GREB1L: variants seen among roughly 807,000 people sequenced by gnomAD.
GREB1L encodes the protein GREB1-like protein.
A neutral mutation model predicts 200.8 loss-of-function variants in GREB1L; 17 were observed. The ratio of observed to expected loss-of-function variants is 0.08; its 90% confidence interval spans 0.06 to 0.13. The LOEUF is 0.13. GREB1L is among the 10% of genes least tolerant of loss of function. GREB1L has a pLI of 1.00. For synonymous variants in GREB1L, 789 were observed against 893.0 expected (o/e 0.88, Z 2.08); for missense variants, 1,657 against 2,367.7 (o/e 0.70, Z 6.23).
At chr18:21,511,184 G>C (rs1786878622) in intron 27 of GREB1L, among the ~76,000 whole-genome samples, 1 of 152,062 alleles carries the variant, frequency 6.6e-6, no homozygotes, top group Admixed American at 6.6e-5. Context: ...AGATCAGCCT[G>C]ACCAACCCCG....
At chr18:21,410,189 G>A (rs2030791665) in intron 7 of GREB1L, among the ~76,000 whole-genome samples, 1 of 151,990 alleles carries the variant, frequency 6.6e-6, no homozygotes, top group African/African-American at 2.4e-5. Context: ...AGCCTCCTAA[G>A]CTCTGCCCCT....
At chr18:21,363,263 CTG>C (rs2039604852) in intron 1 of GREB1L, among the ~76,000 whole-genome samples, 5 of 97,768 alleles carry the variant, frequency 5.1e-5, no homozygotes, top group African/African-American at 8.4e-5. Context: ...AAGGCTCCCC[CTG>C]CCCCCACTCC....
At chr18:21,414,508 C>G (rs944326795) in intron 7 of GREB1L, among the ~76,000 whole-genome samples, 3 of 152,152 alleles carry the variant, frequency 2.0e-5, no homozygotes, top group Non-Finnish European at 4.4e-5. Context: ...GTCAGCTCTG[C>G]ATGTGTAGAA....
intron 23 of GREB1L, among the ~76,000 whole-genome samples, chr18:21,504,992 T>C (rs893723882): frequency 3.3e-5 from 5 of 152,196 alleles, no homozygotes; most frequent in Non-Finnish European, 7.3e-5. Flanking sequence ...TGGGAATTTT[T>C]ACCAGCTCCC....
chr18:21,467,113 A>G (rs1289175220), intron 15 of GREB1L, among the ~76,000 whole-genome samples: 1 of 152,228 alleles, frequency 6.6e-6, no homozygotes, highest in East Asian at 1.9e-4. Context: ...AAATGGATCA[A>G]AGACCTAAAT....
chr18:21,285,494 G>A (rs567282717), intron 1 of GREB1L, among the ~76,000 whole-genome samples: 1 of 152,210 alleles, frequency 6.6e-6, no homozygotes, highest in African/African-American at 2.4e-5. Context: ...TGGAGGCCAG[G>A]TCATATCTGG....
At chr18:21,245,781 G>A (rs1482452560) in intron 1 of GREB1L, among the ~76,000 whole-genome samples, 1 of 152,016 alleles carries the variant, frequency 6.6e-6, no homozygotes, top group African/African-American at 2.4e-5. Flanking sequence ...GCAGTGGTGC[G>A]ATCTCCACTC....
At position 21,495,673 on chromosome 18, in the gene GREB1L, T is replaced by C. The variant is rs2036517352; in HGVS notation, c.3034T>C (p.Trp1012Arg). ...ATHFVARLKS[W>R]RGNEPEEWIP... ...ACATACGGGTCTCTTTCTGTAGAGT[T>C]GGAGAGGAAATGAACCAGAAGAGTG... is the stretch of plus-strand genomic sequence containing the variant. Residue 1012 changes from tryptophan (W) to arginine (R), a missense_variant, in exon 20 of 33, where the codon TGG becomes CGG. Physicochemically the swap from Trp to Arg is moderately radical, Grantham distance 101. This residue lies in a region of GREB1L where 512 missense variants were observed against 668.3 expected (regional missense o/e 0.77). Transcript: ENST00000424526. 1 of 1,476,784 alleles carries C rather than the reference T, an allele frequency of 6.8e-7. No homozygotes were observed. The highest frequency in any genetic ancestry group is 1.4e-5 in the African/African-American group (1 of 71,570). The allele number at this position is 1,476,784 out of a possible 1,614,324, so 91.5% of individuals were successfully genotyped here. A position where few individuals can be genotyped will look rare whatever the true frequency, so the allele number is the denominator to read the frequency against.
chr18:21,447,689 G>T (rs2034298489), intron 11 of GREB1L, among the ~76,000 whole-genome samples: 2 of 152,144 alleles, frequency 1.3e-5, no homozygotes, highest in African/African-American at 2.4e-5. Context: ...ATGTTCTGGT[G>T]GAAGAAAGCG....
chr18:21,377,775 T>TG (rs1351288063), intron 2 of GREB1L, among the ~76,000 whole-genome samples: 3 of 151,710 alleles, frequency 2.0e-5, no homozygotes, highest in Admixed American at 2.0e-4. Context: ...CCAGGTGTGG[T>TG]GGGGGGCACC....
At chr18:21,439,675 T>TA (rs1329686702) in intron 8 of GREB1L, 38 bp downstream of exon 8, 1 of 1,251,462 alleles carries the variant, frequency 8.0e-7, no homozygotes, top group Admixed American at 2.0e-5. Flanking sequence ...ATAATGCACT[T>TA]ACCAGTGGTT....
At chr18:21,320,459 A>G (rs2038934188) in intron 1 of GREB1L, among the ~76,000 whole-genome samples, 1 of 152,196 alleles carries the variant, frequency 6.6e-6, no homozygotes, top group Admixed American at 6.5e-5. Flanking sequence ...TCAAGAAAAC[A>G]GATTAGAAAA....
chr18:21,244,063 A>G (rs1030052171), intron 1 of GREB1L, among the ~76,000 whole-genome samples: 24 of 152,326 alleles, frequency 1.6e-4, no homozygotes, highest in African/African-American at 5.8e-4. Context: ...TTAACTTGAT[A>G]CCCACTCATG....
At chr18:21,401,545 G>A (rs1167969596) in intron 6 of GREB1L, among the ~76,000 whole-genome samples, 4 of 152,120 alleles carry the variant, frequency 2.6e-5, no homozygotes, top group Non-Finnish European at 5.9e-5. Context: ...CTCTGTATTC[G>A]TCTCTTGGGA....
At chr18:21,482,116 A>G (rs2035943624) in intron 17 of GREB1L, among the ~76,000 whole-genome samples, 1 of 152,242 alleles carries the variant, frequency 6.6e-6, no homozygotes, top group Admixed American at 6.5e-5. Flanking sequence ...AAATACATGA[A>G]TTAGAATGAT....
At chr18:21,521,248 G>A (rs1402901601) in intron 32 of GREB1L, among the ~76,000 whole-genome samples, 1 of 151,936 alleles carries the variant, frequency 6.6e-6, no homozygotes, top group Non-Finnish European at 1.5e-5. Context: ...GGTGGCTCCT[G>A]TAATCCCAGC....
At chr18:21,452,367 A>T (rs982740930) in intron 14 of GREB1L, 150 bp downstream of exon 14, 2 of 745,926 alleles carry the variant, frequency 2.7e-6, no homozygotes, top group African/African-American at 1.8e-5. Context: ...GGTTGAAATT[A>T]AAAATGCTTT....
intron 1 of GREB1L, among the ~76,000 whole-genome samples, chr18:21,271,649 C>CA (rs1191889292): frequency 0.065 from 3,373 of 51,526 alleles, 111 homozygotes; most frequent in African/African-American, 0.14. Context: ...GACCCTGTCT[C>CA]AAAAAAAAAA....
chr18:21,500,105 G>A lies in GREB1L; in HGVS notation c.3768G>A (p.Leu1256=), dbSNP rs2036719567. ...GCAAGCTGCCATCCTCCTCCTCCCT[G>A]CTGCCCCACGCCGACGTGGCCTGGG... ...KSGKLPSSSS[L]LPHADVAWVS... The change falls in exon 22 of 33, where the codon CTG becomes CTA. Residue 1256 remains leucine (L), a synonymous_variant. Coordinates refer to ENST00000424526, the MANE Select transcript of GREB1L (RefSeq NM_001142966.3). The A allele has an allele frequency of 6.4e-7, 1 of 1,551,718 alleles. No homozygotes were observed. Among genetic ancestry groups the A allele is most frequent in the South Asian group, 1.2e-5 (1 of 84,064 alleles).
Sources: gnomAD v4.1 joint callset for allele counts (sites outside exome capture counted in the v4.1 genomes callset) on GRCh38, gnomAD v4.1.1 for gene constraint, gnomAD v4.1.1 regional missense constraint, MANE v1.5 for transcripts, NCBI Gene and HGNC (gene_info 2026-07-23, HGNC 2026-07-21) for gene names.